ZC3H18: variants seen among roughly 807,000 people sequenced by gnomAD.
The protein encoded by ZC3H18 is zinc finger CCCH-type containing 18, also known as zinc finger CCCH domain-containing protein 18.
A neutral mutation model predicts 106.1 loss-of-function variants in ZC3H18; 8 were observed. That is an observed-to-expected ratio of 0.08 (90% CI 0.04 to 0.14). The LOEUF is 0.14. ZC3H18 is among the 10% of genes least tolerant of loss of function. The pLI is 1.00. For synonymous variants in ZC3H18, 635 were observed against 522.1 expected, an observed-to-expected ratio of 1.22 and a Z score of -2.95; for missense variants, 1,318 against 1,278.4, an observed-to-expected ratio of 1.03 and a Z score of -0.47.
chr16:88,622,590 A>AC, intron 9 of ZC3H18: 1 of 604,086 alleles, frequency 1.7e-6, no homozygotes, highest in Non-Finnish European at 2.8e-6. Context: ...TGACGCAGTG[A>AC]CCCCAAATGG....
At chr16:88,624,574 G>A in intron 11 of ZC3H18, 28 bp from the exon 12 acceptor site, 1 of 1,612,572 alleles carries the variant, frequency 6.2e-7, no homozygotes. Flanking sequence ...CACCAGCCCT[G>A]CCCTGCTCGA....
At chr16:88,593,164 C>T (rs1250795107) in intron 3 of ZC3H18, among the ~76,000 whole-genome samples, 2 of 152,184 alleles carry the variant, frequency 1.3e-5, no homozygotes, top group Non-Finnish European at 2.9e-5. Flanking sequence ...GAAATATGCT[C>T]GCATGATGAC....
At chr16:88,613,068 C>T (rs963806645) in intron 8 of ZC3H18, among the ~76,000 whole-genome samples, 2 of 152,218 alleles carry the variant, frequency 1.3e-5, no homozygotes, top group South Asian at 2.1e-4. Context: ...ACTTCCCAGT[C>T]TCTTAGCAGC....
At chr16:88,574,788 A>C (rs1914637588) in intron 1 of ZC3H18, among the ~76,000 whole-genome samples, 1 of 145,224 alleles carries the variant, frequency 6.9e-6, no homozygotes, top group East Asian at 2.0e-4. Flanking sequence ...TGCTGGGATT[A>C]CAGGCATGAA....
At chr16:88,582,374 G>A (rs1020653810) in intron 2 of ZC3H18, among the ~76,000 whole-genome samples, 1 of 151,910 alleles carries the variant, frequency 6.6e-6, no homozygotes, top group African/African-American at 2.4e-5. Flanking sequence ...ACAGGCATCC[G>A]CCACCACGGC....
intron 15 of ZC3H18, 111 bp from the exon 16 acceptor site, chr16:88,628,647 G>T (rs1906468417): frequency 8.6e-7 from 1 of 1,164,324 alleles, no homozygotes; most frequent in Non-Finnish European, 1.3e-6. Flanking sequence ...TGTGTGGTGG[G>T]ACCTTTGGGA....
In ZC3H18 at chr16:88,580,200, GTGTGTGTGTATA is replaced by G. The variant is rs1440390751; in HGVS notation, c.603+2478_603+2489del. Among the ~76,000 whole-genome samples, 39 of 104,714 alleles carry G rather than the reference GTGTGTGTGTATA, an allele frequency of 3.7e-4. 1 individual carries two copies. Among genetic ancestry groups the G allele is most frequent in the African/African-American group, 6.2e-4 (18 of 29,026 alleles). The allele number at this position is 104,714 out of a possible 152,430, so 68.7% of individuals were successfully genotyped here. ...TGTGTGTGTGTGTGTGTGTGTGTGT[GTGTGTGTGTATA>G]TGTATATGTCTCTGCCTGCTGCTTC... On this transcript the variant is annotated intron_variant, in intron 2 of 17. Coordinates refer to ENST00000301011, the MANE Select transcript of ZC3H18 (RefSeq NM_144604.4).
In ZC3H18 at chr16:88,618,687, G is replaced by A. The variant is rs75116787; in HGVS notation, c.1476-3510G>A. Among the ~76,000 whole-genome samples, 1,191 of 152,308 alleles carry A rather than the reference G, an allele frequency of 7.8e-3. 16 individuals are homozygous for A. Among genetic ancestry groups the A allele is most frequent in the African/African-American group, 0.027 (1,105 of 41,562 alleles). On this transcript the variant is annotated intron_variant, in intron 8 of 17. Transcript: ENST00000301011. ...GGAGCTGACCTTTGCCCCTTAGAGA[G>A]TCTCCTGTGGCCTTCAACGGGGAAT...
intron 3 of ZC3H18, among the ~76,000 whole-genome samples, chr16:88,594,645 G>A (rs2142645794): frequency 6.6e-6 from 1 of 152,314 alleles, no homozygotes; most frequent in Non-Finnish European, 1.5e-5. Flanking sequence ...ATATGCTCAG[G>A]TAAAAGGGGG....
At chr16:88,584,422 C>CA (rs768791891) in intron 2 of ZC3H18, among the ~76,000 whole-genome samples, 773 of 72,476 alleles carry the variant, frequency 0.011, 2 homozygotes, top group African/African-American at 0.017. Flanking sequence ...ACTCTGTCTC[C>CA]AAAAAAAAAA....
At chr16:88,621,828 T>C (rs1242636418) in intron 8 of ZC3H18, among the ~76,000 whole-genome samples, 1 of 152,146 alleles carries the variant, frequency 6.6e-6, no homozygotes, top group Non-Finnish European at 1.5e-5. Context: ...TACTAGTATA[T>C]CAGCACTAGA....
chr16:88,619,151 A>G (rs1447295460), intron 8 of ZC3H18, among the ~76,000 whole-genome samples: 1 of 152,094 alleles, frequency 6.6e-6, no homozygotes, highest in African/African-American at 2.4e-5. Context: ...TCGCTATCAA[A>G]GTGCAGTGGA....
intron 1 of ZC3H18, among the ~76,000 whole-genome samples, chr16:88,574,913 C>T (rs11076679): frequency 0.87 from 129,646 of 149,468 alleles, 56,569 homozygotes; most frequent in Admixed American, 0.91. Flanking sequence ...CACTCCAAGC[C>T]CCGCCCCCTG....
intron 6 of ZC3H18, among the ~76,000 whole-genome samples, chr16:88,601,843 G>T (rs2142699371): frequency 6.6e-6 from 1 of 152,160 alleles, no homozygotes; most frequent in East Asian, 1.9e-4. Flanking sequence ...TGGGAACAGG[G>T]TCAGGGTGCA....
At chr16:88,580,252 A>C (rs2142549330) in intron 2 of ZC3H18, among the ~76,000 whole-genome samples, 1 of 150,246 alleles carries the variant, frequency 6.7e-6, no homozygotes. Flanking sequence ...ATTCCCAAGA[A>C]CATGTTTCCT....
intron 2 of ZC3H18, among the ~76,000 whole-genome samples, chr16:88,579,192 G>A (rs2142542881): frequency 6.6e-6 from 1 of 152,368 alleles, no homozygotes; most frequent in South Asian, 2.1e-4. Flanking sequence ...AGTGTAGGAA[G>A]TGGTCTCCTC....
rs372289582 is a variant in ZC3H18, at chr16:88,608,991, C to T, written c.1146C>T (p.Gly382=). The T allele has an allele frequency of 9.9e-5, 160 of 1,613,566 alleles. 1 individual carries two copies. Among genetic ancestry groups the T allele is most frequent in the East Asian group, 3.1e-4 (14 of 44,874 alleles). ...ATGAAATTGAGCGGTTTTGGCGTGG[C>T]GGACAGTATGAGAATTTCAGGGTGC... ...YDYEIERFWR[G]GQYENFRVQY... is the part of the protein sequence containing the mutation. Residue 382 remains glycine (G), a synonymous_variant, in exon 7 of 18, where the codon GGC becomes GGT. Transcript: ENST00000301011.
In ZC3H18 at chr16:88,598,293, C is replaced by T. The variant is rs772330430; in HGVS notation, c.804C>T (p.Leu268=). The stretch of plus-strand genomic sequence containing the variant: ...TCCCGCCTAATGGTGCCCCGCCTCT[C>T]GGACCTCACCCGCTGATGCCCGCCA... ...DPFPPNGAPP[L]GPHPLMPANP... The change falls in exon 4 of 18, where the codon CTC becomes CTT. Residue 268 remains leucine (L), a synonymous_variant. Transcript: ENST00000301011. The T allele has an allele frequency of 1.5e-5, 24 of 1,606,530 alleles. No homozygotes were observed. The highest frequency in any genetic ancestry group is 1.9e-5 in the Non-Finnish European group (22 of 1,177,974).
chr16:88,575,963 C>T (rs955591859), intron 1 of ZC3H18, among the ~76,000 whole-genome samples: 8 of 152,144 alleles, frequency 5.3e-5, no homozygotes, highest in Non-Finnish European at 8.8e-5. Context: ...TGCGGTGGCG[C>T]GATCTCAGCT....
Sources: gnomAD v4.1 joint callset for allele counts (sites outside exome capture counted in the v4.1 genomes callset) on GRCh38, gnomAD v4.1.1 for gene constraint, MANE v1.5 for transcripts, NCBI Gene and HGNC (gene_info 2026-07-23, HGNC 2026-07-21) for gene names.